TOPBP1: variants seen among roughly 807,000 people sequenced by gnomAD.
The protein encoded by TOPBP1 is DNA topoisomerase II binding protein 1.
TOPBP1 carries 28 observed loss-of-function variants against 167.7 expected under a neutral mutation model. That is an observed-to-expected ratio of 0.17 (90% CI 0.12 to 0.23). The LOEUF is 0.23. Among genes scored for constraint, TOPBP1 ranks in the 10% least tolerant of loss-of-function variants. The pLI is 1.00. For missense variants in TOPBP1, 1,554 were observed against 1,809.6 expected, an observed-to-expected ratio of 0.86 and a Z score of 2.56; for synonymous variants, 598 against 611.4, an observed-to-expected ratio of 0.98 and a Z score of 0.32.
intron 8 of TOPBP1, among the ~76,000 whole-genome samples, chr3:133,651,096 C>G (rs1936279747): frequency 8.7e-6 from 1 of 114,942 alleles, no homozygotes; most frequent in South Asian, 2.7e-4. Flanking sequence ...GTCTCCGTCT[C>G]AAAACAAAAA....
At chr3:133,636,291 G>A (rs962060877) in intron 14 of TOPBP1, among the ~76,000 whole-genome samples, 3 of 151,842 alleles carry the variant, frequency 2.0e-5, no homozygotes, top group African/African-American at 7.3e-5. Context: ...TTTTGAGGGG[G>A]GCAAGGGTGA....
chr3:133,639,036 T>G lies in TOPBP1; in HGVS notation c.2234-874A>C, dbSNP rs548031909. ...GCCATCCTTGGTGAGTCAAGAATGC[T>G]TCCCAAGACAGTGTGGCGATTCCTC... On this transcript the variant is annotated intron_variant, in intron 13 of 27. Coordinates refer to ENST00000260810, the MANE Select transcript of TOPBP1 (RefSeq NM_007027.4). 2.0e-4 allele frequency among the ~76,000 whole-genome samples: 30 copies of G among 152,302 alleles called. 1 individual carries two copies. Among genetic ancestry groups the G allele is most frequent in the African/African-American group, 6.5e-4 (27 of 41,566 alleles).
chr3:133,646,018 G>A (rs537333534), intron 10 of TOPBP1, among the ~76,000 whole-genome samples: 14 of 151,560 alleles, frequency 9.2e-5, no homozygotes, highest in South Asian at 6.3e-4. Context: ...ATGGTGGCAC[G>A]TGCCTGTAAT....
At chr3:133,645,199 G>A (rs537682712) in intron 10 of TOPBP1, among the ~76,000 whole-genome samples, 36 of 152,132 alleles carry the variant, frequency 2.4e-4, no homozygotes, top group Admixed American at 1.8e-3. Flanking sequence ...TTAGGAACTT[G>A]TAAATTAAGT....
intron 23 of TOPBP1, among the ~76,000 whole-genome samples, chr3:133,614,727 C>T (rs1014756933): frequency 1.3e-5 from 2 of 151,202 alleles, no homozygotes; most frequent in African/African-American, 4.9e-5. Flanking sequence ...GCAATTCTGA[C>T]TTATAACCTC....
intron 27 of TOPBP1, among the ~76,000 whole-genome samples, chr3:133,602,634 T>C (rs908596558): frequency 6.6e-6 from 1 of 151,830 alleles, no homozygotes; most frequent in African/African-American, 2.4e-5. Flanking sequence ...ACACTTTCTG[T>C]AAAGGCTCAG....
chr3:133,628,804 G>A, intron 14 of TOPBP1, 71 bp from the exon 15 acceptor site: 1 of 1,468,502 alleles, frequency 6.8e-7, no homozygotes, highest in African/African-American at 1.4e-5. Flanking sequence ...GGGTTAATAG[G>A]ACAGGAAAAA....
chr3:133,608,705 A>G lies in TOPBP1; in HGVS notation c.4264-9T>C, dbSNP rs1559805740. The G allele has an allele frequency of 6.2e-7, 1 of 1,612,850 alleles. No individual in the cohort carries two copies. The highest frequency in any genetic ancestry group is 2.2e-5 in the East Asian group (1 of 44,870). ...GAATGACCAGGTAGCACCTAATGAA[A>G]AAACAAGGTAGTATCACAATCTACC... On this transcript the variant is annotated splice_polypyrimidine_tract_variant and intron_variant, in intron 26 of 27. Transcript: ENST00000260810.
rs775371876 is a variant in TOPBP1, at chr3:133,655,489, G to A, written c.546-3C>T. 5 of 1,426,048 alleles carry A rather than the reference G, an allele frequency of 3.5e-6. No individual in the cohort carries two copies. The African/African-American group carries it at 4.4e-5, about 13-fold the overall frequency. The allele number at this position is 1,426,048 out of a possible 1,614,324, so 88.3% of individuals were successfully genotyped here. A position where few individuals can be genotyped will look rare whatever the true frequency, so the allele number is the denominator to read the frequency against. On this transcript the variant is annotated splice_polypyrimidine_tract_variant and splice_region_variant and intron_variant, in intron 5 of 27. Coordinates refer to ENST00000260810, the MANE Select transcript of TOPBP1 (RefSeq NM_007027.4). ...TATCAGTATATCTAGTTATTTTTCT[G>A]TGGGAATCAAATGGTTAAAAAAGAA... is the stretch of plus-strand genomic sequence containing the variant.
intron 16 of TOPBP1, 27 bp from the exon 17 acceptor site, chr3:133,624,202 ATAAC>A: frequency 1.9e-6 from 3 of 1,607,174 alleles, no homozygotes; most frequent in Non-Finnish European, 2.6e-6. Context: ...AAAAAAACAA[ATAAC>A]CAAGAGAAAC....
At position 133,620,300 on chromosome 3, in the gene TOPBP1, G is replaced by A; in HGVS notation, c.3226C>T (p.Gln1076Ter). The A allele has an allele frequency of 6.2e-7, 1 of 1,613,930 alleles. No homozygotes were observed. The highest frequency in any genetic ancestry group is 8.5e-7 in the Non-Finnish European group (1 of 1,179,878). Residue 1076 changes from glutamine (Q) to a stop codon, truncating the protein, a stop_gained, in exon 20 of 28, where the codon CAG becomes TAG. Transcript: ENST00000260810. LOFTEE classifies it high-confidence loss of function. ...ATTGATGTTGCAGACATTATCTCCT[G>A]TAACTGCTTCTGAAAGTTCTCTCTC... ...EMRENFQKQL[Q>*]EIMSATSIVK... is the part of the protein sequence containing the mutation.
chr3:133,614,849 G>T (rs1177964025), intron 23 of TOPBP1, among the ~76,000 whole-genome samples: 3 of 130,914 alleles, frequency 2.3e-5, no homozygotes, highest in Non-Finnish European at 4.8e-5. Context: ...AGGGGGGAGG[G>T]ATAGCATTAG....
At chr3:133,626,556 C>T (rs1003611859) in intron 16 of TOPBP1, among the ~76,000 whole-genome samples, 4 of 152,112 alleles carry the variant, frequency 2.6e-5, no homozygotes, top group Admixed American at 2.0e-4. Flanking sequence ...TTTTAATATA[C>T]ACTAATATTA....
intron 8 of TOPBP1, among the ~76,000 whole-genome samples, chr3:133,651,746 C>A (rs993345380): frequency 2.6e-5 from 4 of 152,166 alleles, no homozygotes; most frequent in African/African-American, 9.7e-5. Flanking sequence ...GAGTAGATAA[C>A]TGGCCACTTA....
rs1576302441 is a variant in TOPBP1, at chr3:133,638,048, A to G, written c.2348T>C (p.Met783Thr). Residue 783 changes from methionine to threonine, a missense_variant, in exon 14 of 28, where the codon ATG (methionine) becomes ACG (threonine). Coordinates refer to ENST00000260810, the MANE Select transcript of TOPBP1 (RefSeq NM_007027.4). ...GAAAGCTTTACTCTGAAAGCGGTTC[A>G]TATCTAAAGGTGTAACGACGGTTTT... ...HRKTVVTPLD[M>T]NRFQSKAFRA... The G allele has an allele frequency of 1.2e-6, 2 of 1,614,010 alleles. No homozygotes were observed. Among genetic ancestry groups the G allele is most frequent in the East Asian group, 4.5e-5 (2 of 44,888 alleles).
intron 17 of TOPBP1, 61 bp from the exon 18 acceptor site, chr3:133,623,518 T>C (rs1045868934): frequency 1.3e-6 from 2 of 1,511,676 alleles, no homozygotes; most frequent in Non-Finnish European, 1.8e-6. Flanking sequence ...TAGATGATGT[T>C]AAGTAGGATA....
intron 10 of TOPBP1, among the ~76,000 whole-genome samples, chr3:133,644,952 T>C (rs1469911564): frequency 6.6e-6 from 1 of 152,220 alleles, no homozygotes; most frequent in East Asian, 1.9e-4. Context: ...GCTCACATAA[T>C]GCTAACTGTG....
At chr3:133,642,957 A>G (rs1935945411) in intron 12 of TOPBP1, among the ~76,000 whole-genome samples, 1 of 151,928 alleles carries the variant, frequency 6.6e-6, no homozygotes, top group Non-Finnish European at 1.5e-5. Context: ...ACACTATTTC[A>G]TGTGTTTGGA....
At chr3:133,608,811 A>C in intron 26 of TOPBP1, 62 bp downstream of exon 26, 1 of 1,571,496 alleles carries the variant, frequency 6.4e-7, no homozygotes, top group Non-Finnish European at 8.6e-7. Context: ...AGAACTCATC[A>C]TAGCAATCTT....
Sources: allele counts gnomAD v4.1 joint callset (sites outside exome capture counted in the v4.1 genomes callset), GRCh38; gene constraint gnomAD v4.1.1; transcripts MANE v1.5; gene names NCBI Gene and HGNC (gene_info 2026-07-23, HGNC 2026-07-21).